MARCHF1: variants seen among roughly 807,000 people sequenced by gnomAD.
MARCHF1 encodes membrane associated ring-CH-type finger 1.
MARCHF1 carries 40 observed loss-of-function variants against 54.2 expected under a neutral mutation model. That is an observed-to-expected ratio of 0.74 (90% CI 0.57 to 0.96). MARCHF1 has a LOEUF of 0.96. Ranked by LOEUF, MARCHF1 falls within the 40% of genes least tolerant of loss-of-function variation. The probability of loss-of-function intolerance (pLI) is 0.00; values close to 1 mark genes in which losing one functional copy is unlikely to be tolerated. For missense variants in MARCHF1, 586 were observed against 656.5 expected (o/e 0.89, Z 1.17); for synonymous variants, 236 against 236.3 (o/e 1.00, Z 0.01).
intron 7 of MARCHF1, among the ~76,000 whole-genome samples, chr4:163,606,345 C>A (rs1299980952): frequency 6.6e-6 from 1 of 152,030 alleles, no homozygotes; most frequent in Non-Finnish European, 1.5e-5. Flanking sequence ...TTGAGCACTG[C>A]CTGAATTGTT....
chr4:164,314,850 T>C (rs1734955065), intron 1 of MARCHF1, among the ~76,000 whole-genome samples: 1 of 152,144 alleles, frequency 6.6e-6, no homozygotes, highest in South Asian at 2.1e-4. Context: ...TGTTACTATA[T>C]TAAGTAAAAT....
At chr4:163,926,334 CA>C (rs1355470560) in intron 3 of MARCHF1, among the ~76,000 whole-genome samples, 2 of 151,612 alleles carry the variant, frequency 1.3e-5, no homozygotes, top group Non-Finnish European at 3.0e-5. Context: ...TGGAGTTTTT[CA>C]AAAACTTTCT....
At chr4:163,662,456 A>C (rs1193367861) in intron 5 of MARCHF1, among the ~76,000 whole-genome samples, 2 of 151,662 alleles carry the variant, frequency 1.3e-5, no homozygotes, top group African/African-American at 4.8e-5. Context: ...TTTTTCCCCC[A>C]AACTTCCAAA....
chr4:163,744,772 C>T (rs1281194297), intron 4 of MARCHF1, among the ~76,000 whole-genome samples: 1 of 152,026 alleles, frequency 6.6e-6, no homozygotes, highest in African/African-American at 2.4e-5. Context: ...GTATGTGCCT[C>T]ATTTCACAGG....
At chr4:164,344,580 C>T (rs754100022) in intron 1 of MARCHF1, among the ~76,000 whole-genome samples, 1 of 151,972 alleles carries the variant, frequency 6.6e-6, no homozygotes, top group Non-Finnish European at 1.5e-5. Context: ...TGTGTCAACA[C>T]TCTGCTGTGT....
At chr4:163,658,212 AAAAC>A (rs199582530) in intron 5 of MARCHF1, among the ~76,000 whole-genome samples, 21,292 of 151,930 alleles carry the variant, frequency 0.14, 1,749 homozygotes, top group East Asian at 0.3. Flanking sequence ...TTACAAGAAA[AAAAC>A]AAACAACCCC....
chr4:164,381,775 T>C (rs1436908702), intron 1 of MARCHF1, among the ~76,000 whole-genome samples: 1 of 152,164 alleles, frequency 6.6e-6, no homozygotes, highest in African/African-American at 2.4e-5. Flanking sequence ...AGGAAAGTAG[T>C]CAACATGAGC....
intron 1 of MARCHF1, among the ~76,000 whole-genome samples, chr4:164,126,114 A>G (rs1404085977): frequency 6.6e-6 from 1 of 152,212 alleles, no homozygotes; most frequent in Non-Finnish European, 1.5e-5. Flanking sequence ...ATCATAGTTA[A>G]TAATGCTAAG....
chr4:164,141,825 G>A (rs908481566), intron 1 of MARCHF1, among the ~76,000 whole-genome samples: 29 of 152,218 alleles, frequency 1.9e-4, no homozygotes, highest in African/African-American at 7.0e-4. Context: ...GAGCCAAGAT[G>A]GCCGAATAGG....
intron 1 of MARCHF1, among the ~76,000 whole-genome samples, chr4:164,322,847 G>A (rs1471929497): frequency 6.6e-6 from 1 of 151,916 alleles, no homozygotes; most frequent in African/African-American, 2.4e-5. Context: ...CACAGGTAAA[G>A]TAATATTAGG....
chr4:164,169,799 T>A (rs1730475562), intron 1 of MARCHF1, among the ~76,000 whole-genome samples: 1 of 152,108 alleles, frequency 6.6e-6, no homozygotes, highest in Non-Finnish European at 1.5e-5. Context: ...AACTTGACCT[T>A]TCATGGTTAA....
At chr4:163,674,412 C>T (rs1405911107) in intron 5 of MARCHF1, among the ~76,000 whole-genome samples, 1 of 152,160 alleles carries the variant, frequency 6.6e-6, no homozygotes, top group Non-Finnish European at 1.5e-5. Context: ...CAGCAGGCAT[C>T]CTGGAGCTTG....
chr4:163,984,637 G>A (rs1752826443), intron 3 of MARCHF1, among the ~76,000 whole-genome samples: 1 of 152,162 alleles, frequency 6.6e-6, no homozygotes, highest in South Asian at 2.1e-4. Flanking sequence ...ACAATTATTA[G>A]AATTTCCAGA....
rs550480865 is a variant in MARCHF1, at chr4:163,980,211, C to T, written c.-39+8290G>A. On this transcript the variant is annotated intron_variant, in intron 3 of 9. Transcript: ENST00000514618. ...AGAACAGAGCCCTCAGAAATAACGC[C>T]GCATACCTACAACTGTCTGATCTTT... is the stretch of plus-strand genomic sequence containing the variant. Among the ~76,000 whole-genome samples the T allele has an allele frequency of 3.2e-3, 447 of 138,710 alleles. 4 individuals carry two copies. The highest frequency in any genetic ancestry group is 0.014 in the Middle Eastern group (4 of 280). 91.0% of individuals were successfully genotyped at this position (138,710 alleles called of 152,430 possible).
chr4:164,260,377 A>G (rs920347248), intron 1 of MARCHF1, among the ~76,000 whole-genome samples: 2 of 152,068 alleles, frequency 1.3e-5, no homozygotes, highest in African/African-American at 4.8e-5. Flanking sequence ...TCTGTCAATG[A>G]CATGTCCTTT....
chr4:163,825,944 C>T (rs182189563), intron 4 of MARCHF1, among the ~76,000 whole-genome samples: 3 of 152,058 alleles, frequency 2.0e-5, no homozygotes, highest in African/African-American at 2.4e-5. Flanking sequence ...ACCCCCTACA[C>T]CCAGTGCAGA....
At chr4:163,989,521 G>C (rs536298862) in intron 2 of MARCHF1, among the ~76,000 whole-genome samples, 8 of 152,158 alleles carry the variant, frequency 5.3e-5, no homozygotes, top group Middle Eastern at 3.4e-3. Flanking sequence ...ATTACTAGCA[G>C]CTTCTCCTTG....
intron 9 of MARCHF1, among the ~76,000 whole-genome samples, chr4:163,542,550 A>T (rs898142206): frequency 2.0e-5 from 3 of 152,214 alleles, no homozygotes; most frequent in African/African-American, 7.2e-5. Flanking sequence ...AGCATTAGGA[A>T]CATACCACAG....
At chr4:164,289,805 A>T (rs1488089614) in intron 1 of MARCHF1, among the ~76,000 whole-genome samples, 2 of 152,002 alleles carry the variant, frequency 1.3e-5, no homozygotes, top group East Asian at 3.9e-4. Context: ...GACTTATCAA[A>T]GTGGTTCAGT....
Sources: gnomAD v4.1 joint callset for allele counts (sites outside exome capture counted in the v4.1 genomes callset) on GRCh38, gnomAD v4.1.1 for gene constraint, MANE v1.5 for transcripts, NCBI Gene and HGNC (gene_info 2026-07-23, HGNC 2026-07-21) for gene names.